PLAT: variants seen among roughly 807,000 people sequenced by gnomAD.
PLAT encodes the protein plasminogen activator, tissue type.
A neutral mutation model predicts 74.9 loss-of-function variants in PLAT; 48 were observed. The observed-to-expected ratio is 0.64, with a 90% CI of 0.51 to 0.82. The LOEUF is 0.82. Among genes scored for constraint, PLAT ranks in the 40% least tolerant of loss-of-function variants. The pLI is 0.00. For missense variants in PLAT, 673 were observed against 736.2 expected (o/e 0.91, Z 0.99); for synonymous variants, 307 against 294.4 (o/e 1.04, Z -0.44).
In PLAT at chr8:42,201,852, A is replaced by G. The variant is rs542923642; in HGVS notation, c.-27+5642T>C. ...GTCAGAGGCATCATGTGAGAGAAAT[A>G]AGGAAATTGGAGCTTCCCAGAAAAA... On this transcript the variant is annotated intron_variant, in intron 1 of 13. Coordinates refer to ENST00000220809, the MANE Select transcript of PLAT (RefSeq NM_000930.5). Among the ~76,000 whole-genome samples, 3 of 152,310 alleles carry G rather than the reference A, an allele frequency of 2.0e-5. No homozygotes were observed. In the South Asian group the frequency reaches 6.2e-4, roughly 32 times the overall value.
At chr8:42,203,983 A>ATATATATATATATATATATATATG (rs1806232459) in intron 1 of PLAT, among the ~76,000 whole-genome samples, 1 of 127,838 alleles carries the variant, frequency 7.8e-6, no homozygotes, top group African/African-American at 4.0e-5. Flanking sequence ...ATATATATAT[A>ATATATATATATATATATATATATG]TATATATATA....
chr8:42,178,864 T>C (rs371252148), intron 13 of PLAT, 33 bp downstream of exon 13: 90 of 1,606,664 alleles, frequency 5.6e-5, no homozygotes, highest in Non-Finnish European at 7.3e-5. Flanking sequence ...TCCCCTGGGT[T>C]GTGCCCAGCA....
At chr8:42,186,210 T>C in intron 6 of PLAT, 1 of 151,972 alleles carries the variant, frequency 6.6e-6, no homozygotes, top group Non-Finnish European at 1.5e-5. Flanking sequence ...CCTAAAGATC[T>C]TTACCCTAAA....
intron 1 of PLAT, among the ~76,000 whole-genome samples, chr8:42,196,983 A>G (rs1358149043): frequency 1.3e-5 from 2 of 152,142 alleles, no homozygotes. Context: ...GAATCACTGT[A>G]TGAGAGGAGA....
At chr8:42,185,810 G>T (rs1167202398) in intron 6 of PLAT, 1 of 152,232 alleles carries the variant, frequency 6.6e-6, no homozygotes, top group Admixed American at 6.5e-5. Flanking sequence ...TCTACAGCCA[G>T]TTGACTTTAG....
chr8:42,205,101 A>G lies in PLAT; in HGVS notation c.-27+2393T>C, dbSNP rs552394263. Among the ~76,000 whole-genome samples, 9 of 152,314 alleles carry G rather than the reference A, an allele frequency of 5.9e-5. No homozygotes were observed. The East Asian group carries it at 1.7e-3, about 29-fold the overall frequency. On this transcript the variant is annotated intron_variant, in intron 1 of 13. Coordinates refer to ENST00000220809, the MANE Select transcript of PLAT (RefSeq NM_000930.5). ...GTGGACTTCAAGATCTTTACCCTAA[A>G]ACAGTTCTGCTGAACTTCACCTTGG...
Position 42,175,907 on chromosome 8 carries a change from T to C in PLAT, c.*86A>G. The C allele has an allele frequency of 7.3e-7, 1 of 1,373,790 alleles. No individual in the cohort carries two copies. Among genetic ancestry groups the C allele is most frequent in the Non-Finnish European group, 1.0e-6 (1 of 977,978 alleles). The allele number at this position is 1,373,790 out of a possible 1,614,324, so 85.1% of individuals were successfully genotyped here. A position where few individuals can be genotyped will look rare whatever the true frequency, so the allele number is the denominator to read the frequency against. On this transcript the variant is annotated 3_prime_UTR_variant, in exon 14 of 14. Transcript: ENST00000220809. ...GCGGTGTGGTGGGTCTGGAGAAGTC[T>C]GTAGAGAAGCACTGCGCCTTTGCAG...
chr8:42,193,026 C>T (rs533032751), intron 2 of PLAT, 88 bp downstream of exon 2: 5 of 900,188 alleles, frequency 5.6e-6, no homozygotes, highest in South Asian at 1.3e-5. Flanking sequence ...GCATTCCAAC[C>T]TCCGTGGCCC....
chr8:42,202,481 C>T (rs1456720256), intron 1 of PLAT, among the ~76,000 whole-genome samples: 25 of 152,134 alleles, frequency 1.6e-4, no homozygotes, highest in Admixed American at 1.6e-3. Context: ...ATGTCCTCCT[C>T]CCAGCGCCTA....
intron 4 of PLAT, 45 bp downstream of exon 4, chr8:42,188,889 T>G (rs1805583619): frequency 6.4e-7 from 1 of 1,569,608 alleles, no homozygotes; most frequent in Non-Finnish European, 8.7e-7. Flanking sequence ...CCTCCTAAAG[T>G]GCTGGGATCA....
Position 42,180,334 on chromosome 8 carries a change from C to G in PLAT, c.1130G>C (p.Arg377Pro). 1 of 1,614,214 alleles carries G rather than the reference C, an allele frequency of 6.2e-7. No homozygotes were observed. Among genetic ancestry groups the G allele is most frequent in the Non-Finnish European group, 8.5e-7 (1 of 1,180,000 alleles). Residue 377 changes from arginine to proline, a missense_variant, in exon 11 of 14, where the codon CGG (arginine) becomes CCG (proline). Transcript: ENST00000220809. The part of the protein sequence containing the change: ...HLTVILGRTY[R>P]VVPGEEEQKF... ...CTGCTCCTCCTCGCCAGGGACCACCCGGTATGTTCTGCCCAAGATCACCGT... is the reference window on the plus strand; with the variant it reads ...CTGCTCCTCCTCGCCAGGGACCACCGGGTATGTTCTGCCCAAGATCACCGT...
In PLAT at chr8:42,180,280, T is replaced by C. The variant is rs548902992; in HGVS notation, c.1184A>G (p.His395Arg). The C allele has an allele frequency of 5.0e-6, 8 of 1,614,262 alleles. No individual in the cohort carries two copies. In the African/African-American group the frequency reaches 5.3e-5, roughly 11 times the overall value. Residue 395 changes from histidine to arginine, a missense_variant, in exon 11 of 14, where the codon CAT becomes CGT. By Grantham distance (29) the His-to-Arg change is conservative (BLOSUM62 0). Coordinates refer to ENST00000220809, the MANE Select transcript of PLAT (RefSeq NM_000930.5). ...GTAAGTGTCATCATCGAATTCCTTATGGACAATGTATTTTTCGACTTCAAA... is the reference window on the plus strand; with the variant it reads ...GTAAGTGTCATCATCGAATTCCTTACGGACAATGTATTTTTCGACTTCAAA... ...QKFEVEKYIV[H>R]KEFDDDTYDN...
intron 1 of PLAT, among the ~76,000 whole-genome samples, chr8:42,200,974 T>C (rs1184580166): frequency 6.6e-6 from 1 of 152,052 alleles, no homozygotes; most frequent in Non-Finnish European, 1.5e-5. Context: ...GGATTACAAG[T>C]GTGTGCCACC....
chr8:42,185,798 T>C (rs905075124), intron 6 of PLAT: 1 of 152,246 alleles, frequency 6.6e-6, no homozygotes, highest in African/African-American at 2.4e-5. Flanking sequence ...ATGTGGTTAA[T>C]ATCTACAGCC....
chr8:42,180,129 C>T lies in PLAT; in HGVS notation c.1223-63G>A, dbSNP rs150784265. On this transcript the variant is annotated intron_variant, in intron 11 of 13. Coordinates refer to ENST00000220809, the MANE Select transcript of PLAT (RefSeq NM_000930.5). The stretch of plus-strand genomic sequence containing the variant: ...CCGCGTCCCCGGGAGGGGAGGAACA[C>T]GCAGGAGGGGCAGGGGCTGGAGGAG... 3.3e-5 allele frequency: 53 copies of T among 1,586,568 alleles called. No individual in the cohort carries two copies. The African/African-American group carries it at 6.0e-4, about 18-fold the overall frequency.
chr8:42,183,905 A>G (rs1010892007), intron 7 of PLAT, among the ~76,000 whole-genome samples: 5 of 151,906 alleles, frequency 3.3e-5, no homozygotes, highest in Admixed American at 6.6e-5. Context: ...AATTTAATAT[A>G]TGTGTATTAC....
chr8:42,182,984 G>T (rs990923729), intron 7 of PLAT, 94 bp from the exon 8 acceptor site: 9 of 922,766 alleles, frequency 9.8e-6, no homozygotes, highest in Non-Finnish European at 1.5e-5. Flanking sequence ...GGTCGAGGAA[G>T]CTGGAGGCCG....
At chr8:42,179,776 C>T in intron 12 of PLAT, 150 bp downstream of exon 12, 1 of 759,028 alleles carries the variant, frequency 1.3e-6, no homozygotes, top group South Asian at 2.0e-5. Flanking sequence ...ACAGCAGAGA[C>T]GGGCCCCCAC....
In PLAT at chr8:42,180,039, G is replaced by A. The variant is rs1380594436; in HGVS notation, c.1250C>T (p.Ser417Phe). ...IALLQLKSDSSRCAQESSVVR... is the reference protein window; with the variant it reads ...IALLQLKSDSFRCAQESSVVR... ...CACGCTGCTCTCCTGGGCACAGCGG[G>A]ACGAATCCGATTTCAGCTGCAGCAG... is the stretch of plus-strand genomic sequence containing the variant. Residue 417 changes from serine (S) to phenylalanine (F), a missense_variant, in exon 12 of 14, where the codon TCC (serine) becomes TTC (phenylalanine). By Grantham distance (155) the Ser-to-Phe change is radical (BLOSUM62 -2). Coordinates refer to ENST00000220809, the MANE Select transcript of PLAT (RefSeq NM_000930.5). The A allele has an allele frequency of 1.9e-6, 3 of 1,609,144 alleles. No individual in the cohort carries two copies. The South Asian group carries it at 3.3e-5, about 18-fold the overall frequency.
Sources: gnomAD v4.1 joint callset for allele counts (sites outside exome capture counted in the v4.1 genomes callset) on GRCh38, gnomAD v4.1.1 for gene constraint, MANE v1.5 for transcripts, NCBI Gene and HGNC (gene_info 2026-07-23, HGNC 2026-07-21) for gene names.